Variants in NRXN1 observed in about 807,000 individuals in gnomAD.
The protein encoded by NRXN1 is neurexin-1.
In NRXN1, 39 loss-of-function variants were observed where a neutral mutation model predicts 150.9. The observed-to-expected ratio is 0.26, with a 90% CI of 0.20 to 0.34. NRXN1 has a LOEUF of 0.34. Among genes scored for constraint, NRXN1 ranks in the 10% least tolerant of loss-of-function variants. The pLI, the probability that NRXN1 is intolerant of heterozygous loss-of-function variation, is 1.00. For missense variants in NRXN1, 1,815 were observed against 1,949.9 expected (o/e 0.93, Z 1.30); for synonymous variants, 924 against 757.0 (o/e 1.22, Z -3.62).
At chr2:50,582,950 C>G (rs1464457227) in intron 8 of NRXN1, among the ~76,000 whole-genome samples, 1 of 151,904 alleles carries the variant, frequency 6.6e-6, no homozygotes, top group Admixed American at 6.6e-5. Flanking sequence ...CTAAGGAACC[C>G]ACACTTTGTA....
intron 8 of NRXN1, chr2:50,615,361 G>A (rs1678897010): frequency 6.6e-6 from 1 of 152,108 alleles, no homozygotes; most frequent in African/African-American, 2.4e-5. Context: ...AGGATTCTAG[G>A]TTGTTTTATT....
intron 5 of NRXN1, among the ~76,000 whole-genome samples, chr2:50,788,180 G>A (rs1237683439): frequency 6.6e-6 from 1 of 151,436 alleles, no homozygotes; most frequent in African/African-American, 2.4e-5. Context: ...TCCGCCTCCT[G>A]GGTTCACGCC....
At chr2:50,014,772 A>G (rs1445864096) in intron 21 of NRXN1, among the ~76,000 whole-genome samples, 1 of 152,156 alleles carries the variant, frequency 6.6e-6, no homozygotes, top group East Asian at 1.9e-4. Context: ...TAGGGCCTGG[A>G]TTTGTAACCA....
In NRXN1 at chr2:51,026,434, G is replaced by C. The variant is rs758515332; in HGVS notation, c.772+1068C>G. ...TTTCCTTGGTCATTGTCATGTAACA[G>C]CACCGGCAAAACACACTGAAGACCG... On this transcript the variant is annotated intron_variant, in intron 2 of 22. Coordinates refer to ENST00000401669, the MANE Select transcript of NRXN1 (RefSeq NM_001330078.2). The C allele has an allele frequency of 3.1e-6, 5 of 1,605,142 alleles. No homozygotes were observed. In the South Asian group the frequency reaches 5.6e-5, roughly 18 times the overall value.
At chr2:50,333,009 T>C (rs2076930759) in intron 17 of NRXN1, among the ~76,000 whole-genome samples, 1 of 152,242 alleles carries the variant, frequency 6.6e-6, no homozygotes, top group Non-Finnish European at 1.5e-5. Context: ...ACCTTTATTT[T>C]ATTTTCCCAT....
intron 5 of NRXN1, among the ~76,000 whole-genome samples, chr2:50,636,785 C>T (rs1383244814): frequency 6.6e-6 from 1 of 151,974 alleles, no homozygotes; most frequent in Non-Finnish European, 1.5e-5. Context: ...CTTCCACAAC[C>T]CAGAAAACAA....
chr2:50,389,537 T>G (rs2081550066), intron 17 of NRXN1, among the ~76,000 whole-genome samples: 1 of 152,064 alleles, frequency 6.6e-6, no homozygotes, highest in African/African-American at 2.4e-5. Context: ...ATTCTAATAC[T>G]GATTCTTTGT....
intron 13 of NRXN1, among the ~76,000 whole-genome samples, chr2:50,498,362 T>G (rs1453265602): frequency 1.3e-5 from 2 of 152,216 alleles, no homozygotes; most frequent in Admixed American, 1.3e-4. Flanking sequence ...AGAAATCCTG[T>G]TGATTTCTTC....
At chr2:50,457,922 G>T (rs114236259) in intron 17 of NRXN1, among the ~76,000 whole-genome samples, 1,735 of 152,214 alleles carry the variant, frequency 0.011, 37 homozygotes, top group African/African-American at 0.04. Context: ...AGAATAGCTT[G>T]GTGGTTCCTC....
At chr2:50,335,326 T>C (rs1264110965) in intron 17 of NRXN1, among the ~76,000 whole-genome samples, 1 of 152,178 alleles carries the variant, frequency 6.6e-6, no homozygotes, top group Non-Finnish European at 1.5e-5. Context: ...GGTATACGCA[T>C]CAAAATGGCC....
At chr2:50,161,918 ACT>A (rs1257273293) in intron 18 of NRXN1, among the ~76,000 whole-genome samples, 9 of 152,162 alleles carry the variant, frequency 5.9e-5, no homozygotes, top group Non-Finnish European at 1.2e-4. Flanking sequence ...TTTGCAAAAC[ACT>A]CTGCTAATTG....
intron 21 of NRXN1, among the ~76,000 whole-genome samples, chr2:50,032,379 C>T (rs1489050366): frequency 6.6e-6 from 1 of 151,832 alleles, no homozygotes; most frequent in Admixed American, 6.6e-5. Context: ...TAATTGGAGA[C>T]AAGAAGACTA....
intron 5 of NRXN1, among the ~76,000 whole-genome samples, chr2:50,835,952 A>T (rs185252723): frequency 1.8e-4 from 28 of 152,322 alleles, no homozygotes; most frequent in South Asian, 4.1e-4. Context: ...TCACATGTTA[A>T]ATGAGGATAA....
chr2:50,049,934 T>C (rs1692431273), intron 21 of NRXN1, among the ~76,000 whole-genome samples: 1 of 152,052 alleles, frequency 6.6e-6, no homozygotes, highest in Non-Finnish European at 1.5e-5. Flanking sequence ...GGAGGCCTTA[T>C]GGAAACATTT....
chr2:50,657,920 C>T (rs1001856203), intron 5 of NRXN1, among the ~76,000 whole-genome samples: 7 of 151,920 alleles, frequency 4.6e-5, no homozygotes, highest in South Asian at 4.1e-4. Flanking sequence ...GTTTCTGCTT[C>T]TATATAGTCA....
chr2:50,350,147 T>C (rs1357280487), intron 17 of NRXN1, among the ~76,000 whole-genome samples: 1 of 152,162 alleles, frequency 6.6e-6, no homozygotes, highest in Non-Finnish European at 1.5e-5. Context: ...AATCAATCCA[T>C]TGCCTTGTTT....
chr2:50,628,026 G>T (rs1356969886), intron 5 of NRXN1, among the ~76,000 whole-genome samples: 1 of 151,832 alleles, frequency 6.6e-6, no homozygotes, highest in Non-Finnish European at 1.5e-5. Flanking sequence ...TATTAAGAAA[G>T]ATTCCACTTA....
At chr2:50,656,675 A>T (rs1686515662) in intron 5 of NRXN1, among the ~76,000 whole-genome samples, 1 of 151,764 alleles carries the variant, frequency 6.6e-6, no homozygotes, top group African/African-American at 2.4e-5. Context: ...TGGACTAGCT[A>T]CTTCACAGCC....
At chr2:51,008,786 T>G (rs1480525209) in intron 2 of NRXN1, among the ~76,000 whole-genome samples, 1 of 151,816 alleles carries the variant, frequency 6.6e-6, no homozygotes, top group Non-Finnish European at 1.5e-5. Context: ...TTTCTTGGAA[T>G]GTTTTTATAA....
Sources: allele counts gnomAD v4.1 joint callset (sites outside exome capture counted in the v4.1 genomes callset), GRCh38; gene constraint gnomAD v4.1.1; transcripts MANE v1.5; gene names NCBI Gene and HGNC (gene_info 2026-07-23, HGNC 2026-07-21).